Variants in ARK2N observed in about 807,000 individuals in gnomAD.
ARK2N encodes protein ARK2N.
chr18:46,261,305 A>C, the ARK2N span, among the ~76,000 whole-genome samples: 1 of 152,178 alleles, frequency 6.6e-6, no homozygotes, highest in African/African-American at 2.4e-5. Flanking sequence ...TTGGCCTATC[A>C]CTTTCAAGCA....
At chr18:46,199,513 G>A in the ARK2N span, among the ~76,000 whole-genome samples, 2 of 146,020 alleles carry the variant, frequency 1.4e-5, no homozygotes, top group South Asian at 4.4e-4. Flanking sequence ...TTTTAGTAGA[G>A]GTGGGGTTTC....
At chr18:46,220,104 T>C in the ARK2N span, among the ~76,000 whole-genome samples, 1 of 152,230 alleles carries the variant, frequency 6.6e-6, no homozygotes, top group Admixed American at 6.5e-5. Flanking sequence ...GTCTTGTCTT[T>C]AATGACCTGC....
the ARK2N span, among the ~76,000 whole-genome samples, chr18:46,193,319 C>T: frequency 6.6e-6 from 1 of 151,910 alleles, no homozygotes; most frequent in African/African-American, 2.4e-5. Context: ...GGTGGAGTTT[C>T]GCCCTTGTCA....
chr18:46,218,624 ATTG>A, the ARK2N span: 2 of 152,206 alleles, frequency 1.3e-5, no homozygotes, highest in Non-Finnish European at 2.9e-5. Context: ...AATTGTCCAT[ATTG>A]TTGTCTCTTG....
chr18:46,192,977 AC>A, the ARK2N span, among the ~76,000 whole-genome samples: 14 of 151,222 alleles, frequency 9.3e-5, no homozygotes, highest in Non-Finnish European at 1.9e-4. Context: ...TGGGCAGATT[AC>A]CTTAGGTCAG....
chr18:46,179,713 C>A, the ARK2N span, among the ~76,000 whole-genome samples: 3 of 151,900 alleles, frequency 2.0e-5, no homozygotes, highest in Admixed American at 6.6e-5. Flanking sequence ...GCAACCTCCG[C>A]CTCCTGGGTT....
the ARK2N span, chr18:46,264,299 T>C: frequency 6.5e-6 from 1 of 152,672 alleles, no homozygotes; most frequent in Admixed American, 6.5e-5. Flanking sequence ...GTGGCATTAG[T>C]TACTACCTTC....
the ARK2N span, among the ~76,000 whole-genome samples, chr18:46,203,198 AT>A: frequency 6.6e-6 from 1 of 152,362 alleles, no homozygotes; most frequent in East Asian, 1.9e-4. Context: ...GAAACTTTTC[AT>A]GAATGCGTTG....
the ARK2N span, among the ~76,000 whole-genome samples, chr18:46,259,772 C>CTGTGCTACTGTG: frequency 3.8e-5 from 4 of 104,800 alleles, 1 homozygote; most frequent in African/African-American, 1.4e-4. Context: ...CACCCAGCTA[C>CTGTGCTACTGTG]TGTGTGTGTG....
At chr18:46,230,000 C>T in the ARK2N span, among the ~76,000 whole-genome samples, 1 of 152,124 alleles carries the variant, frequency 6.6e-6, no homozygotes, top group South Asian at 2.1e-4. Context: ...GATCTTGGCT[C>T]ACTGAACCTC....
At chr18:46,263,981 G>A in the ARK2N span, 1 of 152,244 alleles carries the variant, frequency 6.6e-6, no homozygotes, top group African/African-American at 2.4e-5. Flanking sequence ...GAAAAGTTAT[G>A]TGGCCTCTGA....
chr18:46,203,808 A>G, the ARK2N span, among the ~76,000 whole-genome samples: 2 of 152,092 alleles, frequency 1.3e-5, no homozygotes, highest in African/African-American at 2.4e-5. Flanking sequence ...GCTGGTCTCA[A>G]ACTCCTGGGC....
the ARK2N span, among the ~76,000 whole-genome samples, chr18:46,242,752 T>C: frequency 6.6e-6 from 1 of 152,242 alleles, no homozygotes; most frequent in South Asian, 2.1e-4. Flanking sequence ...TTAAACATTT[T>C]ATGAGTTTTG....
At chr18:46,252,414 C>T in the ARK2N span, among the ~76,000 whole-genome samples, 1 of 151,786 alleles carries the variant, frequency 6.6e-6, no homozygotes, top group East Asian at 2.0e-4. Context: ...GTAGCTGGGA[C>T]TACAGGCATG....
At chr18:46,216,370 C>T in the ARK2N span, 1 of 1,614,002 alleles carries the variant, frequency 6.2e-7, no homozygotes, top group Non-Finnish European at 8.5e-7. This position sits in a 1 kb window ranked among gnomAD's most constrained non-coding sequence, Gnocchi z 4.3. Flanking sequence ...CAGTGATAAA[C>T]AGAATGGCCG....
At chr18:46,264,685 GC>G in the ARK2N span, 1 of 151,846 alleles carries the variant, frequency 6.6e-6, no homozygotes, top group African/African-American at 2.4e-5. Flanking sequence ...ATCAGTGTCT[GC>G]CTGCCTCCAC....
the ARK2N span, among the ~76,000 whole-genome samples, chr18:46,259,885 C>CTGTGTGTGTGTGTG: frequency 0.038 from 3,108 of 81,688 alleles, 706 homozygotes; most frequent in Non-Finnish European, 0.055. Flanking sequence ...ATCCTCCCGT[C>CTGTGTGTGTGTGTG]TGTGTGTGTG....
the ARK2N span, among the ~76,000 whole-genome samples, chr18:46,187,883 A>C: frequency 6.6e-6 from 1 of 152,260 alleles, no homozygotes; most frequent in East Asian, 1.9e-4. Context: ...GCCTATTAAA[A>C]AATAACTTAA....
chr18:46,215,871 A>G, the ARK2N span: 2 of 1,604,998 alleles, frequency 1.2e-6, no homozygotes, highest in Non-Finnish European at 1.7e-6. Flanking sequence ...ATTTAACTTG[A>G]AATTCTGAAA....
Sources: gnomAD v4.1 joint callset for allele counts (sites outside exome capture counted in the v4.1 genomes callset) on GRCh38, gnomAD v4.1.1 for gene constraint, Gnocchi (gnomAD v3.1) non-coding constraint, MANE v1.5 for transcripts, NCBI Gene and HGNC (gene_info 2026-07-23, HGNC 2026-07-21) for gene names.